The following PACSIN1 variants were observed in gnomAD, a reference collection of about 807,000 sequenced individuals.
PACSIN1 encodes the protein protein kinase C and casein kinase substrate in neurons 1.
In PACSIN1, 15 loss-of-function variants were observed where a neutral mutation model predicts 59.5. The observed-to-expected ratio is 0.25, with a 90% CI of 0.17 to 0.39. The LOEUF is 0.39. Ranked by LOEUF, PACSIN1 falls within the 10% of genes least tolerant of loss-of-function variation. PACSIN1 has a pLI of 1.00. For missense variants in PACSIN1, 420 were observed against 580.2 expected (o/e 0.72, Z 2.84); for synonymous variants, 210 against 220.6 (o/e 0.95, Z 0.42).
chr6:34,491,076 CG>C (rs1766869441), intron 1 of PACSIN1, among the ~76,000 whole-genome samples: 1 of 152,124 alleles, frequency 6.6e-6, no homozygotes, highest in African/African-American at 2.4e-5. Context: ...GCCGACTCAT[CG>C]TGGGCTGAGC....
At chr6:34,492,531 G>A (rs577073915) in intron 1 of PACSIN1, among the ~76,000 whole-genome samples, 9 of 152,182 alleles carry the variant, frequency 5.9e-5, no homozygotes, top group South Asian at 2.1e-4. Context: ...TTACAGGCAC[G>A]TGCTACCATG....
At chr6:34,497,410 C>T (rs1766963696) in intron 1 of PACSIN1, among the ~76,000 whole-genome samples, 2 of 152,192 alleles carry the variant, frequency 1.3e-5, no homozygotes, top group South Asian at 4.1e-4. Context: ...GTGCTGCTAT[C>T]ATCCGCGGTT....
intron 1 of PACSIN1, among the ~76,000 whole-genome samples, chr6:34,510,682 C>T (rs1767187442): frequency 6.6e-6 from 1 of 152,140 alleles, no homozygotes; most frequent in African/African-American, 2.4e-5. Context: ...TAAAATGTTC[C>T]TGCCTCATAC....
At chr6:34,491,860 C>T (rs1766882617) in intron 1 of PACSIN1, among the ~76,000 whole-genome samples, 1 of 152,144 alleles carries the variant, frequency 6.6e-6, no homozygotes, top group Non-Finnish European at 1.5e-5. Context: ...GATCCACCCG[C>T]CTCAGCCTCC....
intron 1 of PACSIN1, among the ~76,000 whole-genome samples, chr6:34,506,934 C>T (rs571498072): frequency 2.0e-5 from 3 of 152,178 alleles, no homozygotes; most frequent in African/African-American, 7.2e-5. Context: ...GGATGGGGCT[C>T]CTAGTTACGG....
At chr6:34,522,936 C>T (rs1767419435) in intron 1 of PACSIN1, among the ~76,000 whole-genome samples, 1 of 152,230 alleles carries the variant, frequency 6.6e-6, no homozygotes, top group Non-Finnish European at 1.5e-5. Flanking sequence ...TGGGTGGTGC[C>T]CGCCCACATT....
Position 34,510,391 on chromosome 6 carries a change from G to T in PACSIN1, c.-63-15852G>T, listed in dbSNP as rs980128815. Reference sequence around the variant, plus strand: ...CTCACCATGGCCTACAAGGGCCTCTGGGAGCCAGCCCCTGCCTGCCTCTTC... The same window carrying T: ...CTCACCATGGCCTACAAGGGCCTCTTGGAGCCAGCCCCTGCCTGCCTCTTC... On this transcript the variant is annotated intron_variant, in intron 1 of 9. Transcript: ENST00000244458. Among the ~76,000 whole-genome samples, 5 of 152,172 alleles carry T rather than the reference G, an allele frequency of 3.3e-5. No individual in the cohort carries two copies. The South Asian group carries it at 1.0e-3, about 32-fold the overall frequency.
At chr6:34,504,284 ATATATATTT>A (rs1259760629) in intron 1 of PACSIN1, among the ~76,000 whole-genome samples, 1 of 80,136 alleles carries the variant, frequency 1.2e-5, no homozygotes, top group Non-Finnish European at 2.4e-5. Context: ...ATATATATAT[ATATATATTT>A]TTTTTTTTTT....
rs370736416 is a variant in PACSIN1, at chr6:34,530,379, G to C, written c.909+16G>C. ...CCAGTTTGAGGTGAGGATATGTGGG[G>C]ATGGGAAGGGGAGCCTGAAGAGGCT... is the stretch of plus-strand genomic sequence containing the variant. On this transcript the variant is annotated intron_variant, in intron 7 of 9. Coordinates refer to ENST00000244458, the MANE Select transcript of PACSIN1 (RefSeq NM_020804.5). The surrounding 1 kb of genome is among the most constrained non-coding windows in gnomAD (Gnocchi z 4.4). The C allele has an allele frequency of 1.2e-6, 2 of 1,612,412 alleles. No homozygotes were observed. The highest frequency in any genetic ancestry group is 1.7e-6 in the Non-Finnish European group (2 of 1,178,864).
chr6:34,486,700 C>T (rs962697578), intron 1 of PACSIN1, among the ~76,000 whole-genome samples: 10 of 149,562 alleles, frequency 6.7e-5, no homozygotes, highest in African/African-American at 2.2e-4. Context: ...GGCTGCCTTC[C>T]GGGGCCCTCC....
chr6:34,473,118 CTT>C (rs753981748), intron 1 of PACSIN1, among the ~76,000 whole-genome samples: 67 of 150,828 alleles, frequency 4.4e-4, no homozygotes, highest in Admixed American at 9.4e-4. Context: ...GGGATAATCT[CTT>C]GTCTCAGAGA....
At chr6:34,510,268 A>G (rs1767179577) in intron 1 of PACSIN1, among the ~76,000 whole-genome samples, 1 of 152,152 alleles carries the variant, frequency 6.6e-6, no homozygotes. Context: ...CCACGTAAAA[A>G]CCACTGTGAT....
chr6:34,480,903 G>T (rs1766708911), intron 1 of PACSIN1, among the ~76,000 whole-genome samples: 1 of 151,260 alleles, frequency 6.6e-6, no homozygotes, highest in Admixed American at 6.6e-5. Context: ...GTTACTAGCA[G>T]ACTTTTTTTC....
At chr6:34,469,171 G>T (rs1241506024) in intron 1 of PACSIN1, among the ~76,000 whole-genome samples, 3 of 152,132 alleles carry the variant, frequency 2.0e-5, no homozygotes, top group African/African-American at 7.2e-5. Flanking sequence ...GTTGGGGGAC[G>T]AGTGGGTATA....
chr6:34,525,760 C>G lies in PACSIN1; in HGVS notation c.-63-483C>G, dbSNP rs1767470625. ...AGATCCAGGGCAGACACAGCCACCC[C>G]AGACGCTCCCATAGATCTCGGTGGT... On this transcript the variant is annotated intron_variant, in intron 1 of 9. Transcript: ENST00000244458. This position sits in a 1 kb window ranked among gnomAD's most constrained non-coding sequence, Gnocchi z 4.9. Among the ~76,000 whole-genome samples, 1 of 152,166 alleles carries G rather than the reference C, an allele frequency of 6.6e-6. No homozygotes were observed. The highest frequency in any genetic ancestry group is 1.5e-5 in the Non-Finnish European group (1 of 68,024).
chr6:34,499,240 G>A (rs900013443), intron 1 of PACSIN1, among the ~76,000 whole-genome samples: 2 of 151,634 alleles, frequency 1.3e-5, no homozygotes, highest in Admixed American at 1.3e-4. Context: ...AGTAGGATTT[G>A]CGCTCCCATC....
intron 1 of PACSIN1, among the ~76,000 whole-genome samples, chr6:34,500,488 G>A (rs1306705567): frequency 6.6e-6 from 1 of 152,184 alleles, no homozygotes; most frequent in Non-Finnish European, 1.5e-5. Flanking sequence ...AAAACATTCA[G>A]TAAACTGTGC....
rs1767471671 is a variant in PACSIN1, at chr6:34,525,850, G to A, written c.-63-393G>A. On this transcript the variant is annotated intron_variant, in intron 1 of 9. Transcript: ENST00000244458. This position sits in a 1 kb window ranked among gnomAD's most constrained non-coding sequence, Gnocchi z 4.9. ...AGGAGACTTGTAAGAAGCTAATGGGGGCTGCTGAGGTTGGGAGCAAGGGCA... is the reference window on the plus strand; with the variant it reads ...AGGAGACTTGTAAGAAGCTAATGGGAGCTGCTGAGGTTGGGAGCAAGGGCA... Among the ~76,000 whole-genome samples, 1 of 152,168 alleles carries A rather than the reference G, an allele frequency of 6.6e-6. No homozygotes were observed. Among genetic ancestry groups the A allele is most frequent in the Non-Finnish European group, 1.5e-5 (1 of 68,024 alleles).
At chr6:34,472,470 C>T (rs1766585707) in intron 1 of PACSIN1, among the ~76,000 whole-genome samples, 1 of 152,112 alleles carries the variant, frequency 6.6e-6, no homozygotes, top group Non-Finnish European at 1.5e-5. Flanking sequence ...TTATTTCAGC[C>T]ATTCTGTGCT....
Sources: gnomAD v4.1 joint callset for allele counts (sites outside exome capture counted in the v4.1 genomes callset) on GRCh38, gnomAD v4.1.1 for gene constraint, Gnocchi (gnomAD v3.1) non-coding constraint, MANE v1.5 for transcripts, NCBI Gene and HGNC (gene_info 2026-07-23, HGNC 2026-07-21) for gene names.